SYTL5: variants seen among roughly 807,000 people sequenced by gnomAD.
SYTL5 encodes synaptotagmin like 5.
SYTL5 carries 34 observed loss-of-function variants against 55.9 expected under a neutral mutation model. The observed-to-expected ratio is 0.61, with a 90% CI of 0.46 to 0.81. The LOEUF (loss-of-function observed/expected upper bound fraction) is 0.81, where lower values mean the gene tolerates loss of function less well. Among genes scored for constraint, SYTL5 ranks in the 30% least tolerant of loss-of-function variants. The pLI is 0.00. For synonymous variants in SYTL5, 221 were observed against 188.7 expected (o/e 1.17, Z -1.40); for missense variants, 637 against 546.7 (o/e 1.17, Z -1.65).
chrX:38,107,300 C>T (rs1035801258), intron 11 of SYTL5, among the ~76,000 whole-genome samples: 8 of 111,529 alleles, frequency 7.2e-5, no homozygotes, highest in African/African-American at 2.3e-4. Flanking sequence ...GGACTCTGCA[C>T]GCAGTTATAA....
At chrX:37,979,799 ATTTTC>A in the SYTL5 span, among the ~76,000 whole-genome samples, 18 of 104,178 alleles carry the variant, frequency 1.7e-4, no homozygotes, top group African/African-American at 5.6e-4. Flanking sequence ...CTTTTTTTAA[ATTTTC>A]TTTTCTTTTC....
the SYTL5 span, among the ~76,000 whole-genome samples, chrX:37,901,472 G>A: frequency 7.2e-5 from 8 of 111,752 alleles, no homozygotes; most frequent in Non-Finnish European, 1.3e-4. Context: ...CTATCTAACC[G>A]GAAAACACAA....
At chrX:37,983,232 A>C in the SYTL5 span, among the ~76,000 whole-genome samples, 1 of 111,782 alleles carries the variant, frequency 8.9e-6, no homozygotes, top group African/African-American at 3.2e-5. Context: ...TCCAAATAAA[A>C]GGCAGTTTGT....
chrX:37,993,698 C>G, the SYTL5 span, among the ~76,000 whole-genome samples: 1 of 112,469 alleles, frequency 8.9e-6, no homozygotes. Context: ...GTGAACATGT[C>G]TGTAAGTGAC....
chrX:38,104,686 G>A (rs1204442069), intron 10 of SYTL5, among the ~76,000 whole-genome samples: 2 of 111,822 alleles, frequency 1.8e-5, no homozygotes, highest in Non-Finnish European at 3.8e-5. Context: ...ACAGTCTAAG[G>A]TCCCTGTGTA....
chrX:37,959,645 C>T, the SYTL5 span, among the ~76,000 whole-genome samples: 2 of 111,877 alleles, frequency 1.8e-5, no homozygotes, highest in Non-Finnish European at 1.9e-5. Context: ...ATGTAAGAAC[C>T]GGCTGCCTTC....
At chrX:38,088,930 C>T (rs978233077) in intron 6 of SYTL5, among the ~76,000 whole-genome samples, 1 of 112,225 alleles carries the variant, frequency 8.9e-6, no homozygotes, top group Non-Finnish European at 1.9e-5. Context: ...ATACTAAATA[C>T]AGTAGTCTGG....
At chrX:37,929,420 A>G in the SYTL5 span, among the ~76,000 whole-genome samples, 28 of 112,394 alleles carry the variant, frequency 2.5e-4, no homozygotes, top group African/African-American at 8.7e-4. Flanking sequence ...AAATCTTTCC[A>G]GATTAGTGTT....
the SYTL5 span, among the ~76,000 whole-genome samples, chrX:37,944,648 G>C: frequency 8.9e-6 from 1 of 111,915 alleles, no homozygotes; most frequent in Non-Finnish European, 1.9e-5. Flanking sequence ...AACACCTCCA[G>C]AGACAATCCT....
At chrX:38,040,035 C>T (rs1007428595) in intron 2 of SYTL5, among the ~76,000 whole-genome samples, 5 of 110,202 alleles carry the variant, frequency 4.5e-5, no homozygotes, top group African/African-American at 1.7e-4. Flanking sequence ...ATTACCCGGG[C>T]GTGGTGGCAT....
chrX:37,898,756 C>G, the SYTL5 span, among the ~76,000 whole-genome samples: 1 of 112,131 alleles, frequency 8.9e-6, no homozygotes, highest in African/African-American at 3.2e-5. Flanking sequence ...TATAATGTGT[C>G]AAGCACTGTG....
the SYTL5 span, among the ~76,000 whole-genome samples, chrX:37,970,864 T>C: frequency 3.6e-5 from 4 of 112,437 alleles, no homozygotes; most frequent in Non-Finnish European, 5.6e-5. Context: ...CTGGGTTTTA[T>C]AGTTTATAAC....
intron 7 of SYTL5, among the ~76,000 whole-genome samples, chrX:38,091,532 G>A (rs1459752980): frequency 1.2e-5 from 1 of 81,663 alleles, no homozygotes; most frequent in Non-Finnish European, 2.1e-5. Context: ...GGGGCAGTAT[G>A]CGGGGGCCCT....
intron 3 of SYTL5, among the ~76,000 whole-genome samples, chrX:38,066,146 A>G (rs978848724): frequency 8.9e-6 from 1 of 111,766 alleles, no homozygotes; most frequent in Non-Finnish European, 1.9e-5. Flanking sequence ...AAATTGAATT[A>G]GTTTCCTTAT....
intron 12 of SYTL5, among the ~76,000 whole-genome samples, chrX:38,109,244 C>T (rs757097882): frequency 8.9e-6 from 1 of 112,013 alleles, no homozygotes; most frequent in South Asian, 3.7e-4. Flanking sequence ...GGTCAATGAT[C>T]CAGAAAATAG....
At chrX:38,068,275 C>T (rs1302117827) in intron 3 of SYTL5, among the ~76,000 whole-genome samples, 2 of 111,978 alleles carry the variant, frequency 1.8e-5, no homozygotes, top group Admixed American at 9.5e-5. Context: ...CAAAAAATTA[C>T]AGATGCTGGT....
the SYTL5 span, among the ~76,000 whole-genome samples, chrX:37,954,173 T>C: frequency 9.0e-6 from 1 of 111,423 alleles, no homozygotes; most frequent in Non-Finnish European, 1.9e-5. Flanking sequence ...GGGCAGTATA[T>C]TGAGAGAGCC....
In SYTL5 at chrX:38,030,429, C is replaced by T. The variant is rs367744396; in HGVS notation, c.-356-3105C>T. 4.5e-5 allele frequency among the ~76,000 whole-genome samples: 5 copies of T among 111,944 alleles called. No individual in the cohort carries two copies. In the East Asian group the frequency reaches 1.1e-3, roughly 25 times the overall value. On this transcript the variant is annotated intron_variant, in intron 1 of 16. Coordinates refer to ENST00000297875, the MANE Select transcript of SYTL5 (RefSeq NM_138780.3). ...TCTGTTTTTCCCAAGGAGTCTCATG[C>T]TGTTAGAGCTTGAATATCCGCTTTA...
the SYTL5 span, among the ~76,000 whole-genome samples, chrX:37,909,219 T>C: frequency 8.9e-6 from 1 of 112,288 alleles, no homozygotes; most frequent in East Asian, 2.8e-4. Context: ...TTGATTTAAC[T>C]TTCTCTTTTC....
Sources: gnomAD v4.1 joint callset for allele counts (sites outside exome capture counted in the v4.1 genomes callset) on GRCh38, gnomAD v4.1.1 for gene constraint, MANE v1.5 for transcripts, NCBI Gene and HGNC (gene_info 2026-07-23, HGNC 2026-07-21) for gene names.